The following VSX1 variants were observed in gnomAD, a reference collection of about 807,000 sequenced individuals.
The protein encoded by VSX1 is homeodomain protein RINX.
A neutral mutation model predicts 23.6 loss-of-function variants in VSX1; 23 were observed. The observed-to-expected ratio is 0.97, with a 90% confidence interval of 0.70 to 1.38. The LOEUF is 1.38. Among genes scored for constraint, VSX1 ranks in the 40% most tolerant of loss-of-function variants. The pLI is 0.00. For synonymous variants in VSX1, 247 were observed against 215.1 expected, an observed-to-expected ratio of 1.15 and a Z score of -1.30; for missense variants, 517 against 495.4, an observed-to-expected ratio of 1.04 and a Z score of -0.41.
At chr20:25,072,635 T>C (rs1027313233), downstream of VSX1, 6 of 471,064 alleles carry the variant, frequency 1.3e-5, no homozygotes, top group African/African-American at 6.0e-5. Flanking sequence ...CAGCCCAATG[T>C]CTCACCCTCT....
chr20:25,077,769 C>T lies in VSX1; in HGVS notation c.724G>A (p.Val242Met). 2.6e-6 allele frequency: 4 copies of T among 1,550,944 alleles called. No individual in the cohort carries two copies. Among genetic ancestry groups the T allele is most frequent in the Non-Finnish European group, 3.5e-6 (4 of 1,146,988 alleles). ...MAEYGLYGAMVRHCIPLPDSV... is the reference protein window; with the variant it reads ...MAEYGLYGAMMRHCIPLPDSV... The stretch of plus-strand genomic sequence containing the variant: ...TCTGGCAGCGGGATGCAGTGGCGCA[C>T]CATGGCCCCGTACAGCCCGTACTCG... Residue 242 changes from valine to methionine, a missense_variant, in exon 4 of 5, where the codon GTG becomes ATG. Coordinates refer to ENST00000376709, the MANE Select transcript of VSX1 (RefSeq NM_014588.6).
At chr20:25,074,209 TCTG>T (rs1163990888), downstream of VSX1, among the ~76,000 whole-genome samples, 1 of 152,204 alleles carries the variant, frequency 6.6e-6, no homozygotes, top group Non-Finnish European at 1.5e-5. Flanking sequence ...AAATGAGTGT[TCTG>T]CTGTCATCCC....
At chr20:25,071,041 G>A (rs1038463868), downstream of VSX1, 4 of 454,124 alleles carry the variant, frequency 8.8e-6, no homozygotes, top group Non-Finnish European at 1.8e-5. Flanking sequence ...GATGGGTAAT[G>A]GACAATTATG....
chr20:25,076,552 T>G lies in VSX1; in HGVS notation c.809-2A>C, dbSNP rs1194638380. The G allele has an allele frequency of 6.3e-7, 1 of 1,579,140 alleles. No homozygotes were observed. The highest frequency in any genetic ancestry group is 8.5e-7 in the Non-Finnish European group (1 of 1,170,292). The stretch of plus-strand genomic sequence containing the variant: ...TCCCCATGGATTTTTTATGCATCCC[T>G]TGTAAAAAAAAAAATAAAAAGGAAA... On this transcript the variant is annotated splice_acceptor_variant, in intron 4 of 4. Coordinates refer to ENST00000376709, the MANE Select transcript of VSX1 (RefSeq NM_014588.6). LOFTEE classifies it high-confidence loss of function.
chr20:25,079,506 T>C lies in VSX1; in HGVS notation c.433A>G (p.Ser145Gly). Residue 145 changes from serine to glycine, a missense_variant, in exon 2 of 5, where the codon AGC becomes GGC. Coordinates refer to ENST00000376709, the MANE Select transcript of VSX1 (RefSeq NM_014588.6). ...SDSVSTSDED[S>G]QSEDRNDLKA... ...AGGTCATTCCTGTCTTCAGACTGGC[T>C]GTCCTCATCTGATGGCACAGAAAGA... is the stretch of plus-strand genomic sequence containing the variant. 6.2e-7 allele frequency: 1 copy of C among 1,611,730 alleles called. No homozygotes were observed. Among genetic ancestry groups the C allele is most frequent in the Non-Finnish European group, 8.5e-7 (1 of 1,178,870 alleles).
At position 25,075,952 on chromosome 20, in the gene VSX1, G is replaced by C; in HGVS notation, c.*309C>G. 2.3e-6 allele frequency: 1 copy of C among 438,608 alleles called. No homozygotes were observed. The highest frequency in any genetic ancestry group is 2.2e-5 in the South Asian group (1 of 45,846). 27.2% of individuals were successfully genotyped at this position (438,608 alleles called of 1,614,324 possible). On this transcript the variant is annotated 3_prime_UTR_variant, in exon 5 of 5. Transcript: ENST00000376709. ...GTACATTGAACCACACATCTCAAAT[G>C]ATGCCCAGCAGTGAAATCATTTTTG... is the stretch of plus-strand genomic sequence containing the variant.
At position 25,076,293 on chromosome 20, in the gene VSX1, C is replaced by T; in HGVS notation, c.1066G>A (p.Gly356Arg). The T allele has an allele frequency of 1.2e-6, 2 of 1,614,182 alleles. No homozygotes were observed. Among genetic ancestry groups the T allele is most frequent in the Non-Finnish European group, 1.7e-6 (2 of 1,180,046 alleles). The part of the protein sequence containing the change: ...QGGSNSTALE[G>R]PQPGKVGAT ...GCTCCCACCTTCCCTGGCTGGGGCC[C>T]CTCCAGTGCCGTGGAGTTGGAGCCT... The change falls in exon 5 of 5, where the codon GGG (glycine) becomes AGG (arginine). Residue 356 changes from glycine (G) to arginine (R), a missense_variant. Coordinates refer to ENST00000376709, the MANE Select transcript of VSX1 (RefSeq NM_014588.6).
In VSX1 at chr20:25,077,869, G is replaced by A. The variant is rs181156458; in HGVS notation, c.628-4C>T. 325 of 1,551,646 alleles carry A rather than the reference G, an allele frequency of 2.1e-4. No homozygotes were observed. In the African/African-American group the frequency reaches 2.4e-3, roughly 11 times the overall value. On this transcript the variant is annotated splice_polypyrimidine_tract_variant and splice_region_variant and intron_variant, in intron 3 of 4. Coordinates refer to ENST00000376709, the MANE Select transcript of VSX1 (RefSeq NM_014588.6). ...CCCTGCGGTTTTGAAACCAGACCTG[G>A]TTGGAGGCAGGAGAAGCAGAAGGCA...
downstream of VSX1, among the ~76,000 whole-genome samples, chr20:25,073,439 G>GA (rs2089423207): frequency 6.6e-6 from 1 of 152,088 alleles, no homozygotes; most frequent in African/African-American, 2.4e-5. Flanking sequence ...TCTGCATAGG[G>GA]ATGACCTATT....
Position 25,076,313 on chromosome 20 carries a change from G to A in VSX1, c.1046C>T (p.Ser349Phe), listed in dbSNP as rs755642899. 1 of 1,614,206 alleles carries A rather than the reference G, an allele frequency of 6.2e-7. No homozygotes were observed. The highest frequency in any genetic ancestry group is 8.5e-7 in the Non-Finnish European group (1 of 1,180,046). ...VHPGAGAQGGSNSTALEGPQP... is the reference protein window; with the variant it reads ...VHPGAGAQGGFNSTALEGPQP... ...GGGCCCCTCCAGTGCCGTGGAGTTG[G>A]AGCCTCCTTGAGCACCAGCCCCAGG... is the stretch of plus-strand genomic sequence containing the variant. Residue 349 changes from serine to phenylalanine, a missense_variant, in exon 5 of 5, where the codon TCC (serine) becomes TTC (phenylalanine). By Grantham distance (155) the Ser-to-Phe change is radical. Coordinates refer to ENST00000376709, the MANE Select transcript of VSX1 (RefSeq NM_014588.6).
At chr20:25,073,667 A>G (rs868527943), downstream of VSX1, among the ~76,000 whole-genome samples, 1 of 152,198 alleles carries the variant, frequency 6.6e-6, no homozygotes, top group Non-Finnish European at 1.5e-5. Context: ...GAGGAGTGAG[A>G]GACGGTCTGC....
Position 25,081,826 on chromosome 20 carries a change from G to C in VSX1, c.271C>G (p.Gln91Glu), listed in dbSNP as rs1383383794. 23 of 1,504,758 alleles carry C rather than the reference G, an allele frequency of 1.5e-5. No individual in the cohort carries two copies. The highest frequency in any genetic ancestry group is 2.0e-5 in the Non-Finnish European group (23 of 1,135,742). The allele number at this position is 1,504,758 out of a possible 1,614,324, so 93.2% of individuals were successfully genotyped here. Residue 91 changes from glutamine to glutamate, a missense_variant, in exon 1 of 5, where the codon CAG (glutamine) becomes GAG (glutamate). Physicochemically the swap from Gln to Glu is conservative, Grantham distance 29 (BLOSUM62 2). Transcript: ENST00000376709. ...GLGLLCGFGT[Q>E]PPAAARAPCL... ...GGTGCTCGAGCGGCCGCCGGCGGCTGCGTGCCGAAGCCACAGAGGAGGCCG... is the reference window on the plus strand; with the variant it reads ...GGTGCTCGAGCGGCCGCCGGCGGCTCCGTGCCGAAGCCACAGAGGAGGCCG...
rs1160547660 is a variant in VSX1 at position 25,081,656 on chromosome 20, A to G, written c.424+17T>C. On this transcript the variant is annotated intron_variant, in intron 1 of 4. Coordinates refer to ENST00000376709, the MANE Select transcript of VSX1 (RefSeq NM_014588.6). ...CTAGGGGACAGGGGCAGGAGCGGAA[A>G]GCGCGGGCCTGATTACCGGACGTGG... 3 of 1,524,610 alleles carry G rather than the reference A, an allele frequency of 2.0e-6. No homozygotes were observed. Among genetic ancestry groups the G allele is most frequent in the African/African-American group, 2.8e-5 (2 of 71,960 alleles). The allele number at this position is 1,524,610 out of a possible 1,614,324, so 94.4% of individuals were successfully genotyped here. A position where few individuals can be genotyped will look rare whatever the true frequency, so the allele number is the denominator to read the frequency against.
downstream of VSX1, among the ~76,000 whole-genome samples, chr20:25,073,320 C>T (rs1447439260): frequency 6.6e-6 from 1 of 152,008 alleles, no homozygotes; most frequent in Non-Finnish European, 1.5e-5. Flanking sequence ...TCCATTTGTC[C>T]ATGATCTGAA....
At chr20:25,071,483 C>CTT (rs11087497), downstream of VSX1, 2,265 of 419,170 alleles carry the variant, frequency 5.4e-3, 1 homozygote, top group Admixed American at 0.011. Flanking sequence ...CACTCAGGGT[C>CTT]TTTTTTTTTT....
At chr20:25,078,603 T>A (rs2089562951) in intron 3 of VSX1, 9 of 1,443,624 alleles carry the variant, frequency 6.2e-6, no homozygotes, top group Non-Finnish European at 8.2e-6. Context: ...GCACACATTA[T>A]CATGTGATTT....
Position 25,076,213 on chromosome 20 carries a change from G to C in VSX1, c.*48C>G. ...AATTTTTGTCTTTTGGAAAATGCCA[G>C]TGAGGAATATGCACATTTTCAGCCT... On this transcript the variant is annotated 3_prime_UTR_variant, in exon 5 of 5. Coordinates refer to ENST00000376709, the MANE Select transcript of VSX1 (RefSeq NM_014588.6). The C allele has an allele frequency of 1.2e-6, 2 of 1,611,586 alleles. No individual in the cohort carries two copies. Among genetic ancestry groups the C allele is most frequent in the South Asian group, 2.2e-5 (2 of 90,980 alleles).
downstream of VSX1, among the ~76,000 whole-genome samples, chr20:25,074,734 C>G (rs981245943): frequency 1.3e-5 from 2 of 152,116 alleles, no homozygotes; most frequent in Admixed American, 6.6e-5. Context: ...CTTACTGGTT[C>G]CCTCTCCCAA....
At chr20:25,076,693 G>A in intron 4 of VSX1, 143 bp from the exon 5 acceptor site, 2 of 969,648 alleles carry the variant, frequency 2.1e-6, no homozygotes, top group Non-Finnish European at 3.0e-6. Flanking sequence ...AGGAGAGGCA[G>A]GTAGGTAACT....
Sources: gnomAD v4.1 joint callset for allele counts (sites outside exome capture counted in the v4.1 genomes callset) on GRCh38, gnomAD v4.1.1 for gene constraint, MANE v1.5 for transcripts, NCBI Gene and HGNC (gene_info 2026-07-23, HGNC 2026-07-21) for gene names.